The following UGT1A6 variants were observed in gnomAD, a reference collection of about 807,000 sequenced individuals.
UGT1A6 encodes UDP glucuronosyltransferase family 1 member A6.
Under a neutral mutation model 44.4 loss-of-function variants are expected in UGT1A6, and 32 were observed. The ratio of observed to expected loss-of-function variants is 0.72; its 90% confidence interval spans 0.54 to 0.97. UGT1A6 has a LOEUF of 0.97. UGT1A6 is among the 50% of genes least tolerant of loss of function. UGT1A6 has a pLI of 0.00. For missense variants in UGT1A6, 685 were observed against 661.9 expected, an observed-to-expected ratio of 1.03 and a Z score of -0.38; for synonymous variants, 238 against 248.5, an observed-to-expected ratio of 0.96 and a Z score of 0.40.
intron 1 of UGT1A6, among the ~76,000 whole-genome samples, chr2:233,746,783 T>C (rs1194823127): frequency 6.6e-6 from 1 of 151,828 alleles, no homozygotes; most frequent in East Asian, 1.9e-4. Flanking sequence ...TGGTTTTCTG[T>C]TGTAATTCAT....
At chr2:233,726,040 C>A (rs906060755) in intron 1 of UGT1A6, among the ~76,000 whole-genome samples, 3 of 152,112 alleles carry the variant, frequency 2.0e-5, no homozygotes, top group Non-Finnish European at 4.4e-5. Flanking sequence ...ATGGCGCACA[C>A]CTGTGGTCCC....
In UGT1A6 at chr2:233,713,810, G is replaced by T. The variant is rs537377644; in HGVS notation, c.861+19945G>T. On this transcript the variant is annotated intron_variant, in intron 1 of 4. Coordinates refer to ENST00000305139, the MANE Select transcript of UGT1A6 (RefSeq NM_001072.4). ...ACCCCAGGCCGATCATGCCCAACAT[G>T]GTCTTCATTGGGGGCATCAACTGTG... 2.5e-6 allele frequency: 4 copies of T among 1,614,058 alleles called. No individual in the cohort carries two copies. The South Asian group carries it at 4.4e-5, about 18-fold the overall frequency.
intron 1 of UGT1A6, chr2:233,739,100 G>A (rs1263190228): frequency 1.3e-5 from 2 of 152,274 alleles, no homozygotes; most frequent in African/African-American, 4.8e-5. Flanking sequence ...TCGATGTGGT[G>A]TTGGGCCTGC....
At chr2:233,729,583 C>A (rs1274615489) in intron 1 of UGT1A6, 2 of 1,614,036 alleles carry the variant, frequency 1.2e-6, no homozygotes, top group Non-Finnish European at 1.7e-6. Context: ...TTTAACAGAC[C>A]CCGTTAACCT....
chr2:233,747,449 C>G (rs1200553651), intron 1 of UGT1A6: 3 of 1,608,916 alleles, frequency 1.9e-6, no homozygotes, highest in Non-Finnish European at 2.6e-6. Flanking sequence ...CCCTGACAAC[C>G]TATGCCATTT....
intron 1 of UGT1A6, among the ~76,000 whole-genome samples, chr2:233,730,912 AG>A (rs1229657899): frequency 1.3e-5 from 2 of 152,192 alleles, no homozygotes; most frequent in East Asian, 3.9e-4. Context: ...CAAAAATTTC[AG>A]AGGCAGCTTT....
At chr2:233,717,827 C>T (rs2125656433) in intron 1 of UGT1A6, 1 of 455,482 alleles carries the variant, frequency 2.2e-6, no homozygotes, top group South Asian at 1.6e-5. Context: ...CCGTTCTGTT[C>T]TGGAGGAACC....
At chr2:233,734,267 C>T (rs1349289847) in intron 1 of UGT1A6, among the ~76,000 whole-genome samples, 2 of 152,020 alleles carry the variant, frequency 1.3e-5, no homozygotes, top group Non-Finnish European at 2.9e-5. Flanking sequence ...GTGTATGTGT[C>T]CAGGAATTTA....
At chr2:233,721,760 T>C in intron 1 of UGT1A6, 1 of 468,990 alleles carries the variant, frequency 2.1e-6, no homozygotes, top group South Asian at 1.6e-5. Context: ...ACATCTAAAT[T>C]GTTATATTTA....
intron 1 of UGT1A6, chr2:233,717,714 T>C: frequency 2.2e-6 from 1 of 453,348 alleles, no homozygotes; most frequent in South Asian, 1.6e-5. Context: ...ACGAGCCTCA[T>C]GGGCATGAGA....
At chr2:233,696,304 T>A (rs777870928) in intron 1 of UGT1A6, among the ~76,000 whole-genome samples, 2 of 152,196 alleles carry the variant, frequency 1.3e-5, no homozygotes, top group Non-Finnish European at 2.9e-5. Context: ...TCGTGAAATA[T>A]ATATTTGGTC....
At chr2:233,731,204 C>G (rs755932690) in intron 1 of UGT1A6, among the ~76,000 whole-genome samples, 2 of 151,184 alleles carry the variant, frequency 1.3e-5, no homozygotes, top group Non-Finnish European at 2.9e-5. Context: ...TTATAAAATA[C>G]GTGTTTATTT....
chr2:233,717,173 C>T (rs1198418738), intron 1 of UGT1A6, among the ~76,000 whole-genome samples: 1 of 152,178 alleles, frequency 6.6e-6, no homozygotes, highest in African/African-American at 2.4e-5. Context: ...TTGAATGTGG[C>T]AAGAGCACCC....
chr2:233,693,165 A>G lies in UGT1A6; in HGVS notation c.161A>G (p.His54Arg). 4 of 1,614,194 alleles carry G rather than the reference A, an allele frequency of 2.5e-6. No individual in the cohort carries two copies. The highest frequency in any genetic ancestry group is 3.4e-6 in the Non-Finnish European group (4 of 1,179,998). The change falls in exon 1 of 5, where the codon CAT (histidine) becomes CGT (arginine). Residue 54 changes from histidine to arginine, a missense_variant. By Grantham distance (29) the His-to-Arg change is conservative. Transcript: ENST00000305139. ...GTTGAGGTTCTCAGTGACCGGGGTC[A>G]TGAGATTGTAGTGGTGGTGCCTGAA... The part of the protein sequence containing the change: ...DIVEVLSDRG[H>R]EIVVVVPEVN...
rs2075126761 is a variant in UGT1A6, at chr2:233,693,015, T to G, written c.11T>G (p.Leu4Arg). 4 of 1,614,174 alleles carry G rather than the reference T, an allele frequency of 2.5e-6. No individual in the cohort carries two copies. The East Asian group carries it at 8.9e-5, about 36-fold the overall frequency. Residue 4 changes from leucine (L) to arginine (R), a missense_variant, in exon 1 of 5, where the codon CTC becomes CGC. By Grantham distance (102) the Leu-to-Arg change is moderately radical. Coordinates refer to ENST00000305139, the MANE Select transcript of UGT1A6 (RefSeq NM_001072.4). The stretch of plus-strand genomic sequence containing the variant: ...TTAACTCTTTCCAGGATGGCCTGCC[T>G]CCTTCGCTCATTTCAGAGAATTTCT... Reference protein sequence around the residue: MACLLRSFQRISAG... With the variant: MACRLRSFQRISAG...
At chr2:233,725,046 G>C in intron 1 of UGT1A6, among the ~76,000 whole-genome samples, 1 of 147,958 alleles carries the variant, frequency 6.8e-6, no homozygotes, top group Non-Finnish European at 1.5e-5. Flanking sequence ...AACCAGTCAG[G>C]CGTGGCGGCG....
chr2:233,717,792 G>A (rs1353792882), intron 1 of UGT1A6: 6 of 456,092 alleles, frequency 1.3e-5, no homozygotes, highest in African/African-American at 4.0e-5. Flanking sequence ...GAAATTTGAA[G>A]TAGTGCCCCC....
At chr2:233,716,222 T>A (rs1452528556) in intron 1 of UGT1A6, among the ~76,000 whole-genome samples, 4 of 152,232 alleles carry the variant, frequency 2.6e-5, no homozygotes, top group African/African-American at 7.2e-5. Context: ...CAAGAGCCCT[T>A]GTGATTACAT....
At chr2:233,718,701 G>A in intron 1 of UGT1A6, 1 of 1,599,658 alleles carries the variant, frequency 6.3e-7, no homozygotes, top group Non-Finnish European at 8.5e-7. Context: ...AGGGCACTTT[G>A]TCTTCCAATT....
Sources: gnomAD v4.1 joint callset for allele counts (sites outside exome capture counted in the v4.1 genomes callset) on GRCh38, gnomAD v4.1.1 for gene constraint, MANE v1.5 for transcripts, NCBI Gene and HGNC (gene_info 2026-07-23, HGNC 2026-07-21) for gene names.